LRP6: variants seen among roughly 807,000 people sequenced by gnomAD.
The protein encoded by LRP6 is low-density lipoprotein receptor-related protein 6.
LRP6 carries 43 observed loss-of-function variants against 184.1 expected under a neutral mutation model. The ratio of observed to expected loss-of-function variants is 0.23; its 90% CI spans 0.18 to 0.30. The LOEUF (loss-of-function observed/expected upper bound fraction) is 0.30, where lower values mean the gene tolerates loss of function less well. Among genes scored for constraint, LRP6 ranks in the 10% least tolerant of loss-of-function variants. The pLI is 1.00. For synonymous variants in LRP6, 719 were observed against 684.9 expected, an observed-to-expected ratio of 1.05 and a Z score of -0.78; for missense variants, 1,571 against 2,005.3, an observed-to-expected ratio of 0.78 and a Z score of 4.14.
intron 3 of LRP6, among the ~76,000 whole-genome samples, chr12:12,197,829 A>C (rs1227569834): frequency 2.0e-5 from 3 of 152,206 alleles, no homozygotes; most frequent in African/African-American, 7.2e-5. Flanking sequence ...GGATCACTTG[A>C]GTCCAAGAGT....
chr12:12,195,399 G>A (rs568512932), intron 3 of LRP6, among the ~76,000 whole-genome samples: 2 of 152,020 alleles, frequency 1.3e-5, no homozygotes, highest in African/African-American at 4.8e-5. Flanking sequence ...TGGTAACTAG[G>A]GTGAGATGAT....
rs1020336689 is a variant in LRP6, at chr12:12,118,455, T to C, written c.*2671A>G. On this transcript the variant is annotated 3_prime_UTR_variant, in exon 23 of 23. Transcript: ENST00000261349. ...GGACACATGTTCAAAATAAATACTTTTGCATATAAGGAATCTAATGAAACA... is the reference window on the plus strand; with the variant it reads ...GGACACATGTTCAAAATAAATACTTCTGCATATAAGGAATCTAATGAAACA... 15 of 152,226 alleles carry C rather than the reference T, an allele frequency of 9.9e-5. No homozygotes were observed. The highest frequency in any genetic ancestry group is 3.6e-4 in the African/African-American group (15 of 41,468). 9.4% of individuals were successfully genotyped at this position (152,226 alleles called of 1,614,324 possible). A position where few individuals can be genotyped will look rare whatever the true frequency, so the allele number is the denominator to read the frequency against.
At chr12:12,161,244 C>G (rs1014403032) in intron 10 of LRP6, among the ~76,000 whole-genome samples, 1 of 152,070 alleles carries the variant, frequency 6.6e-6, no homozygotes, top group Non-Finnish European at 1.5e-5. Flanking sequence ...ATACAGTAAA[C>G]ATATTTATAT....
chr12:12,225,650 T>C lies in LRP6; in HGVS notation c.449+18612A>G, dbSNP rs180917340. On this transcript the variant is annotated intron_variant, in intron 2 of 22. Transcript: ENST00000261349. ...ACTTTGAGAGGCCGAGGCAGGTGGA[T>C]CACTTGAGGTCAGGAGTTTGAGACC... Among the ~76,000 whole-genome samples, 5 of 152,144 alleles carry C rather than the reference T, an allele frequency of 3.3e-5. No individual in the cohort carries two copies. The East Asian group carries it at 9.7e-4, about 29-fold the overall frequency.
intron 19 of LRP6, among the ~76,000 whole-genome samples, chr12:12,127,992 C>G (rs1041231846): frequency 2.0e-5 from 3 of 152,144 alleles, no homozygotes; most frequent in Non-Finnish European, 2.9e-5. Context: ...TCTTTTCATT[C>G]CTTTTTAGTC....
intron 3 of LRP6, among the ~76,000 whole-genome samples, chr12:12,188,085 G>T (rs970314150): frequency 4.6e-5 from 7 of 151,692 alleles, no homozygotes; most frequent in African/African-American, 1.7e-4. Context: ...GGTGGTGGGC[G>T]CCTGTAATCC....
chr12:12,207,065 T>C (rs1259919667), intron 2 of LRP6, among the ~76,000 whole-genome samples: 4 of 152,232 alleles, frequency 2.6e-5, no homozygotes, highest in African/African-American at 9.6e-5. Flanking sequence ...AGCTAGGGGC[T>C]ATTCCTATCC....
intron 12 of LRP6, among the ~76,000 whole-genome samples, chr12:12,151,478 GAA>G (rs200629196): frequency 8.5e-5 from 8 of 94,544 alleles, no homozygotes; most frequent in Non-Finnish European, 1.3e-4. Context: ...CCCATCTAAG[GAA>G]AAAAAAAAAA....
At chr12:12,246,469 T>G (rs975907147) in intron 1 of LRP6, among the ~76,000 whole-genome samples, 1 of 151,782 alleles carries the variant, frequency 6.6e-6, no homozygotes, top group African/African-American at 2.4e-5. Flanking sequence ...TCCCAGCACT[T>G]TGGTTAAGCC....
intron 12 of LRP6, among the ~76,000 whole-genome samples, chr12:12,156,082 A>G (rs1158831951): frequency 6.6e-6 from 1 of 152,232 alleles, no homozygotes; most frequent in Non-Finnish European, 1.5e-5. Flanking sequence ...AGTAGAGTAT[A>G]TAAATTACAT....
At position 12,179,768 on chromosome 12, in the gene LRP6, CA is replaced by C. The variant is rs765735412; in HGVS notation, c.1545+41del. The C allele has an allele frequency of 9.1e-5, 146 of 1,602,336 alleles. 3 individuals carry two copies. The Middle Eastern group carries it at 7.9e-3, about 87-fold the overall frequency. ...ATCATTATACTGTCGACTCAAAACCCATTATAAAAGTGGCTTGAAAATGAAA... is the reference window on the plus strand; with the variant it reads ...ATCATTATACTGTCGACTCAAAACCCTTATAAAAGTGGCTTGAAAATGAAA... On this transcript the variant is annotated intron_variant, in intron 7 of 22. Coordinates refer to ENST00000261349, the MANE Select transcript of LRP6 (RefSeq NM_002336.3).
rs746994936 is a variant in LRP6 at position 12,244,131 on chromosome 12, C to G, written c.449+131G>C. ...ACTTTCCACATTCAAGTCTACTCAA[C>G]AAAGAAGCCCAAAGAATCTAAAATT... On this transcript the variant is annotated intron_variant, in intron 2 of 22. Coordinates refer to ENST00000261349, the MANE Select transcript of LRP6 (RefSeq NM_002336.3). 4 of 891,938 alleles carry G rather than the reference C, an allele frequency of 4.5e-6. No homozygotes were observed. In the South Asian group the frequency reaches 5.8e-5, roughly 13 times the overall value. The allele number at this position is 891,938 out of a possible 1,614,324, so 55.3% of individuals were successfully genotyped here.
rs371726453 is a variant in LRP6, at chr12:12,248,679, A to G, written c.56-4024T>C. ...GTATTTTTAGTAGAGATGGGGTTTCACCGTGTTAGCCAGGATGGTCTCGAT... is the reference window on the plus strand; with the variant it reads ...GTATTTTTAGTAGAGATGGGGTTTCGCCGTGTTAGCCAGGATGGTCTCGAT... On this transcript the variant is annotated intron_variant, in intron 1 of 22. Coordinates refer to ENST00000261349, the MANE Select transcript of LRP6 (RefSeq NM_002336.3). 1.9e-4 allele frequency among the ~76,000 whole-genome samples: 29 copies of G among 151,496 alleles called. No individual in the cohort carries two copies. The East Asian group carries it at 2.7e-3, about 14-fold the overall frequency.
At chr12:12,266,021 C>T (rs965068190) in intron 1 of LRP6, among the ~76,000 whole-genome samples, 1 of 152,140 alleles carries the variant, frequency 6.6e-6, no homozygotes, top group Non-Finnish European at 1.5e-5. Flanking sequence ...AAAATAGGGG[C>T]AAGCCGTGAA....
intron 3 of LRP6, 70 bp from the exon 4 acceptor site, chr12:12,187,189 C>G: frequency 7.8e-7 from 1 of 1,280,612 alleles, no homozygotes; most frequent in Non-Finnish European, 1.1e-6. Flanking sequence ...GTCACCTCTC[C>G]CATTAAAATG....
At chr12:12,181,971 T>A (rs1349834348) in intron 5 of LRP6, among the ~76,000 whole-genome samples, 1 of 152,184 alleles carries the variant, frequency 6.6e-6, no homozygotes. Flanking sequence ...GTAAGTTACA[T>A]CTCAGTAAAA....
intron 22 of LRP6, among the ~76,000 whole-genome samples, chr12:12,123,735 A>G (rs1949634790): frequency 6.6e-6 from 1 of 152,208 alleles, no homozygotes. Context: ...GCAAAAAGGA[A>G]TAATTTTCTC....
chr12:12,229,886 AAG>A, intron 2 of LRP6, among the ~76,000 whole-genome samples: 1 of 152,342 alleles, frequency 6.6e-6, no homozygotes. Flanking sequence ...GCTTTGAATT[AAG>A]AGAGAATGAA....
chr12:12,233,264 G>A (rs994673729), intron 2 of LRP6, among the ~76,000 whole-genome samples: 10 of 152,056 alleles, frequency 6.6e-5, no homozygotes, highest in African/African-American at 2.4e-4. Context: ...TCAGGAGATC[G>A]AGACCATCCT....
Sources: allele counts gnomAD v4.1 joint callset (sites outside exome capture counted in the v4.1 genomes callset), GRCh38; gene constraint gnomAD v4.1.1; transcripts MANE v1.5; gene names NCBI Gene and HGNC (gene_info 2026-07-23, HGNC 2026-07-21).